DCC: variants seen among roughly 807,000 people sequenced by gnomAD.
DCC encodes netrin receptor DCC.
DCC carries 58 observed loss-of-function variants against 172.5 expected under a neutral mutation model. That is an observed-to-expected ratio of 0.34 (90% CI 0.27 to 0.42). The LOEUF is 0.42. Among genes scored for constraint, DCC ranks in the 10% least tolerant of loss-of-function variants. The pLI is 1.00. For synonymous variants in DCC, 709 were observed against 644.5 expected (o/e 1.10, Z -1.52); for missense variants, 1,740 against 1,791.0 (o/e 0.97, Z 0.51).
At chr18:53,156,464 C>A (rs1248503562) in intron 7 of DCC, among the ~76,000 whole-genome samples, 13 of 145,536 alleles carry the variant, frequency 8.9e-5, no homozygotes, top group African/African-American at 1.8e-4. Context: ...GCTTGGGTTG[C>A]AGAGCAAGAC....
intron 2 of DCC, among the ~76,000 whole-genome samples, chr18:52,755,477 G>A (rs1193473835): frequency 6.6e-6 from 1 of 152,194 alleles, no homozygotes; most frequent in African/African-American, 2.4e-5. Flanking sequence ...ATATTAGATT[G>A]TATCATTTCA....
intron 12 of DCC, among the ~76,000 whole-genome samples, chr18:53,222,638 G>A (rs910596746): frequency 4.0e-5 from 6 of 150,852 alleles, no homozygotes; most frequent in East Asian, 1.9e-4. Flanking sequence ...TGCCCGCCTC[G>A]GCCTCCCAAA....
intron 3 of DCC, among the ~76,000 whole-genome samples, chr18:52,921,422 G>A (rs564997000): frequency 1.1e-4 from 16 of 152,046 alleles, no homozygotes; most frequent in African/African-American, 3.4e-4. Flanking sequence ...ACCTCAGCTG[G>A]GCTTGGTGGC....
At chr18:52,439,103 T>C (rs1185035597) in intron 1 of DCC, among the ~76,000 whole-genome samples, 1 of 151,862 alleles carries the variant, frequency 6.6e-6, no homozygotes, top group African/African-American at 2.4e-5. Flanking sequence ...TCCTCCAGGT[T>C]TGGTTTATGA....
intron 27 of DCC, among the ~76,000 whole-genome samples, chr18:53,506,749 T>C (rs566767299): frequency 4.6e-5 from 7 of 151,556 alleles, no homozygotes; most frequent in Admixed American, 4.6e-4. Context: ...TCCCAGATAC[T>C]CAGGAGGCTG....
intron 2 of DCC, among the ~76,000 whole-genome samples, chr18:52,768,871 G>A (rs1213439943): frequency 6.6e-6 from 1 of 152,134 alleles, no homozygotes; most frequent in Non-Finnish European, 1.5e-5. Context: ...ATTAGAAAAG[G>A]GTGAGGGAGA....
At chr18:52,890,262 C>A (rs1258078206) in intron 2 of DCC, among the ~76,000 whole-genome samples, 1 of 152,018 alleles carries the variant, frequency 6.6e-6, no homozygotes, top group Non-Finnish European at 1.5e-5. Flanking sequence ...AAGGCTTAAC[C>A]CTTATGAGTT....
At chr18:53,237,667 TA>T (rs1020216865) in intron 12 of DCC, among the ~76,000 whole-genome samples, 3 of 152,118 alleles carry the variant, frequency 2.0e-5, no homozygotes, top group Non-Finnish European at 4.4e-5. Flanking sequence ...ATACCTTCCA[TA>T]AAAAAATGCA....
chr18:53,498,384 G>A (rs577726637), intron 26 of DCC, among the ~76,000 whole-genome samples: 9 of 152,220 alleles, frequency 5.9e-5, no homozygotes, highest in South Asian at 2.1e-4. Flanking sequence ...TAAGAAATAA[G>A]TCATCAGAAA....
At chr18:53,515,031 A>T (rs1233505776) in intron 27 of DCC, among the ~76,000 whole-genome samples, 1 of 151,988 alleles carries the variant, frequency 6.6e-6, no homozygotes, top group Non-Finnish European at 1.5e-5. Context: ...CTTGATGAAC[A>T]TTGATGCAAA....
chr18:52,789,990 C>G (rs559106018), intron 2 of DCC, among the ~76,000 whole-genome samples: 1 of 152,208 alleles, frequency 6.6e-6, no homozygotes, highest in African/African-American at 2.4e-5. Flanking sequence ...CTCTCAAGAT[C>G]AGAGCTTAAG....
rs191853731 is a variant in DCC at position 53,171,013 on chromosome 18, T to C, written c.1419-7949T>C. ...GATTCTCGTGCCTCAGCCACTAGAG[T>C]AGCTAGAATTACAGGCTCATGCCAC... On this transcript the variant is annotated intron_variant, in intron 8 of 28. Coordinates refer to ENST00000442544, the MANE Select transcript of DCC (RefSeq NM_005215.4). Among the ~76,000 whole-genome samples the C allele has an allele frequency of 3.2e-3, 481 of 152,056 alleles. 3 individuals are homozygous for C. The highest frequency in any genetic ancestry group is 5.3e-3 in the Non-Finnish European group (361 of 68,004).
chr18:52,929,442 T>C (rs2040269481), intron 5 of DCC, among the ~76,000 whole-genome samples: 1 of 152,182 alleles, frequency 6.6e-6, no homozygotes, highest in South Asian at 2.1e-4. Flanking sequence ...GGTTAATAAT[T>C]AGTCACTTAC....
chr18:53,344,916 G>T (rs944384518), intron 15 of DCC, among the ~76,000 whole-genome samples: 9 of 147,726 alleles, frequency 6.1e-5, no homozygotes, highest in African/African-American at 2.0e-4. Flanking sequence ...GAAAAGAAAA[G>T]AAATATGTCT....
chr18:53,357,682 C>T (rs1410878284), intron 15 of DCC, among the ~76,000 whole-genome samples: 2 of 152,066 alleles, frequency 1.3e-5, no homozygotes. Flanking sequence ...ATCACAAAGA[C>T]CTCACTGAAA....
chr18:53,380,237 G>A (rs1457266116), intron 15 of DCC, among the ~76,000 whole-genome samples: 1 of 152,166 alleles, frequency 6.6e-6, no homozygotes, highest in Admixed American at 6.5e-5. Flanking sequence ...CTCTGAGCAT[G>A]TGCAGGAAAA....
intron 12 of DCC, among the ~76,000 whole-genome samples, chr18:53,257,375 G>T (rs1461727859): frequency 6.6e-6 from 1 of 152,152 alleles, no homozygotes; most frequent in African/African-American, 2.4e-5. Flanking sequence ...TGATTATTTT[G>T]AGATACATCC....
intron 1 of DCC, among the ~76,000 whole-genome samples, chr18:52,538,822 T>C (rs904978580): frequency 2.6e-5 from 4 of 152,184 alleles, no homozygotes; most frequent in Non-Finnish European, 5.9e-5. Flanking sequence ...AGTTATCTGT[T>C]CTCCTTTTGT....
intron 1 of DCC, among the ~76,000 whole-genome samples, chr18:52,431,648 C>T (rs1250194703): frequency 6.6e-6 from 1 of 152,116 alleles, no homozygotes; most frequent in African/African-American, 2.4e-5. Flanking sequence ...AGATGAAATG[C>T]TCAGTGAACA....
Sources: gnomAD v4.1 joint callset for allele counts (sites outside exome capture counted in the v4.1 genomes callset) on GRCh38, gnomAD v4.1.1 for gene constraint, MANE v1.5 for transcripts, NCBI Gene and HGNC (gene_info 2026-07-23, HGNC 2026-07-21) for gene names.